The following NKAIN3 variants were observed in gnomAD, a reference collection of about 807,000 sequenced individuals.
The protein encoded by NKAIN3 is sodium/potassium-transporting ATPase subunit beta-1-interacting protein 3.
Under a neutral mutation model 30.2 loss-of-function variants are expected in NKAIN3, and 25 were observed. The ratio of observed to expected loss-of-function variants is 0.83; its 90% confidence interval spans 0.60 to 1.16. NKAIN3 has a LOEUF of 1.16. Among genes scored for constraint, NKAIN3 ranks in the 50% most tolerant of loss-of-function variants. The pLI is 0.00. For missense variants in NKAIN3, 225 were observed against 254.1 expected (o/e 0.89, Z 0.78); for synonymous variants, 91 against 89.6 (o/e 1.02, Z -0.09).
chr8:62,383,271 G>A (rs1817330108), intron 1 of NKAIN3, among the ~76,000 whole-genome samples: 1 of 152,064 alleles, frequency 6.6e-6, no homozygotes, highest in Non-Finnish European at 1.5e-5. Context: ...AGGCCTTTTT[G>A]TATGACCAAA....
At chr8:62,600,796 G>T (rs764833926) in intron 3 of NKAIN3, among the ~76,000 whole-genome samples, 42 of 151,958 alleles carry the variant, frequency 2.8e-4, no homozygotes, top group African/African-American at 1.0e-3. Flanking sequence ...ATTCATGAGG[G>T]TCCTCTTTTT....
chr8:62,669,472 A>C lies in NKAIN3; in HGVS notation c.274-77460A>C, dbSNP rs143608142. On this transcript the variant is annotated intron_variant, in intron 3 of 6. Transcript: ENST00000623646. ...GTCACTCATATTTGGCTCAGAATAA[A>C]CCTCTTAAAAATGACACATCTTCTA... 3.6e-3 allele frequency among the ~76,000 whole-genome samples: 554 copies of C among 152,234 alleles called. 5 individuals carry two copies. The highest frequency in any genetic ancestry group is 8.2e-3 in the Admixed American group (126 of 15,284).
chr8:62,287,937 A>C (rs1299993575), intron 1 of NKAIN3, among the ~76,000 whole-genome samples: 5 of 152,114 alleles, frequency 3.3e-5, no homozygotes, highest in African/African-American at 4.8e-5. Context: ...CTTAACCTGT[A>C]TGTTCTAGCA....
At chr8:62,575,042 T>A (rs1184428306) in intron 1 of NKAIN3, among the ~76,000 whole-genome samples, 2 of 152,106 alleles carry the variant, frequency 1.3e-5, no homozygotes, top group Non-Finnish European at 2.9e-5. Flanking sequence ...CTGAAAGTGT[T>A]TCCTCTAAAA....
intron 4 of NKAIN3, among the ~76,000 whole-genome samples, chr8:62,882,932 ACT>A (rs1462699280): frequency 6.6e-6 from 1 of 151,546 alleles, no homozygotes. Context: ...TGCCAATACC[ACT>A]CTCTCTATTA....
chr8:62,618,206 G>T (rs1412424100), intron 3 of NKAIN3, among the ~76,000 whole-genome samples: 1 of 152,276 alleles, frequency 6.6e-6, no homozygotes, highest in Admixed American at 6.5e-5. Flanking sequence ...CTCGTCTGCA[G>T]TTGAGGAAAT....
chr8:62,646,544 A>T (rs754787730), intron 3 of NKAIN3, among the ~76,000 whole-genome samples: 7 of 152,170 alleles, frequency 4.6e-5, no homozygotes, highest in Non-Finnish European at 1.0e-4. Flanking sequence ...TTTAATTCTT[A>T]TGTTTCTAAT....
intron 4 of NKAIN3, chr8:62,863,455 C>A (rs1820318355): frequency 1.3e-6 from 2 of 1,550,618 alleles, no homozygotes; most frequent in East Asian, 4.7e-5. Flanking sequence ...ATATTCTAAC[C>A]CTTGAAGGAA....
At chr8:62,798,103 C>T (rs542190638) in intron 4 of NKAIN3, among the ~76,000 whole-genome samples, 1 of 152,230 alleles carries the variant, frequency 6.6e-6, no homozygotes, top group Non-Finnish European at 1.5e-5. Context: ...GGTCACACAG[C>T]TTGTGAGTGA....
At chr8:62,827,045 T>C (rs1192700416) in intron 4 of NKAIN3, among the ~76,000 whole-genome samples, 1 of 152,148 alleles carries the variant, frequency 6.6e-6, no homozygotes, top group African/African-American at 2.4e-5. Flanking sequence ...CAAAGGTAAA[T>C]AATAGATAAA....
At chr8:62,925,174 T>C (rs934464251) in intron 5 of NKAIN3, among the ~76,000 whole-genome samples, 1 of 152,126 alleles carries the variant, frequency 6.6e-6, no homozygotes, top group Admixed American at 6.6e-5. Context: ...ATTAATTGCA[T>C]CCCCCACTCA....
intron 1 of NKAIN3, among the ~76,000 whole-genome samples, chr8:62,560,652 G>T (rs1361954794): frequency 3.5e-5 from 5 of 141,976 alleles, no homozygotes; most frequent in Admixed American, 1.5e-4. Context: ...CAATTCTCCT[G>T]CCTCAGCCTC....
At chr8:62,917,400 G>A (rs780266712) in intron 4 of NKAIN3, among the ~76,000 whole-genome samples, 7 of 152,170 alleles carry the variant, frequency 4.6e-5, no homozygotes, top group Non-Finnish European at 1.0e-4. Context: ...AGATTTCTCT[G>A]TAAGTCCTTC....
At chr8:62,779,983 A>G (rs945099746) in intron 4 of NKAIN3, among the ~76,000 whole-genome samples, 51 of 152,272 alleles carry the variant, frequency 3.3e-4, no homozygotes, top group African/African-American at 1.1e-3. Flanking sequence ...TGGAGACTAC[A>G]GAAACAATAC....
At chr8:62,807,556 G>GTTTTT (rs11482643) in intron 4 of NKAIN3, among the ~76,000 whole-genome samples, 1 of 134,300 alleles carries the variant, frequency 7.4e-6, no homozygotes, top group Non-Finnish European at 1.6e-5. Context: ...TTCTTTTCTG[G>GTTTTT]TTTTTTTTTT....
intron 1 of NKAIN3, among the ~76,000 whole-genome samples, chr8:62,560,539 T>C (rs1307628585): frequency 1.3e-3 from 166 of 129,682 alleles, no homozygotes; most frequent in Non-Finnish European, 1.4e-3. Context: ...TTCTTTTTTT[T>C]TTTTTTTTTT....
At chr8:62,396,350 G>A (rs1263033176) in intron 1 of NKAIN3, among the ~76,000 whole-genome samples, 2 of 152,124 alleles carry the variant, frequency 1.3e-5, no homozygotes, top group Admixed American at 1.3e-4. Context: ...GCCGCAACCC[G>A]GTGCCTAAGC....
At chr8:62,639,583 T>C (rs1397064031) in intron 3 of NKAIN3, among the ~76,000 whole-genome samples, 1 of 152,164 alleles carries the variant, frequency 6.6e-6, no homozygotes, top group African/African-American at 2.4e-5. Flanking sequence ...ACAGACAATA[T>C]TAAAGCATAA....
At chr8:62,463,516 G>A (rs1806060642) in intron 1 of NKAIN3, among the ~76,000 whole-genome samples, 1 of 152,096 alleles carries the variant, frequency 6.6e-6, no homozygotes, top group South Asian at 2.1e-4. Context: ...TGTATTCTGT[G>A]GCATCTAAAT....
Sources: allele counts gnomAD v4.1 joint callset (sites outside exome capture counted in the v4.1 genomes callset), GRCh38; gene constraint gnomAD v4.1.1; transcripts MANE v1.5; gene names NCBI Gene and HGNC (gene_info 2026-07-23, HGNC 2026-07-21).